The following KDM8 variants were observed in gnomAD, a reference collection of about 807,000 sequenced individuals.
KDM8 encodes bifunctional peptidase and arginyl-hydroxylase JMJD5.
In KDM8, 35 loss-of-function variants were observed where a neutral mutation model predicts 46.9. The ratio of observed to expected loss-of-function variants is 0.75; its 90% CI spans 0.57 to 0.99. The LOEUF (loss-of-function observed/expected upper bound fraction) is 0.99, where lower values mean the gene tolerates loss of function less well. Ranked by LOEUF, KDM8 falls within the 50% of genes least tolerant of loss-of-function variation. The probability of loss-of-function intolerance (pLI) is 0.00; values close to 1 mark genes in which losing one functional copy is unlikely to be tolerated. For missense variants in KDM8, 475 were observed against 537.0 expected (o/e 0.88, Z 1.14); for synonymous variants, 232 against 227.7 (o/e 1.02, Z -0.17).
intron 1 of KDM8, chr16:27,204,254 G>C: frequency 7.1e-7 from 1 of 1,408,178 alleles, no homozygotes; most frequent in Non-Finnish European, 9.3e-7. Context: ...CTTAACGATG[G>C]GCATCGGTGC....
intron 2 of KDM8, chr16:27,211,247 C>A: frequency 2.3e-6 from 1 of 442,438 alleles, no homozygotes; most frequent in Non-Finnish European, 4.5e-6. Flanking sequence ...AGCGGCAGCC[C>A]GTTTCTTTCA....
At chr16:27,204,492 A>G (rs2083408872) in intron 1 of KDM8, 1 of 436,566 alleles carries the variant, frequency 2.3e-6, no homozygotes, top group Non-Finnish European at 3.6e-6. Flanking sequence ...TTTTTGTGGA[A>G]TACTGCCATA....
At chr16:27,213,501 C>A in intron 2 of KDM8, 84 bp from the exon 3 acceptor site, 1 of 1,440,900 alleles carries the variant, frequency 6.9e-7, no homozygotes, top group South Asian at 1.3e-5. Context: ...GCTCTCCTAC[C>A]CCTGACACAG....
At chr16:27,211,576 A>G (rs962731019) in intron 2 of KDM8, 6 of 163,434 alleles carry the variant, frequency 3.7e-5, no homozygotes, top group African/African-American at 1.4e-4. Context: ...ACAGAAAGAA[A>G]TGACTAAGAC....
In KDM8 at chr16:27,221,688, TTA is replaced by T. The variant is rs950944858; in HGVS notation, c.*960_*961del. 5 of 152,298 alleles carry T rather than the reference TTA, an allele frequency of 3.3e-5. No homozygotes were observed. The highest frequency in any genetic ancestry group is 1.2e-4 in the African/African-American group (5 of 41,458). The allele number at this position is 152,298 out of a possible 1,614,324, so 9.4% of individuals were successfully genotyped here. ...TCGTTTGTGTGCACGCAGGTTTGTT[TTA>T]TGTTTTGGCCATTAAGATTTTCCCC... On this transcript the variant is annotated 3_prime_UTR_variant, in exon 8 of 8. Transcript: ENST00000286096.
At chr16:27,215,178 C>G (rs2083536873) in intron 4 of KDM8, among the ~76,000 whole-genome samples, 170 bp downstream of exon 4, 1 of 152,170 alleles carries the variant, frequency 6.6e-6, no homozygotes, top group African/African-American at 2.4e-5. Context: ...AGCCAGCAGA[C>G]ATGAGGGATT....
At chr16:27,216,262 G>A in intron 5 of KDM8, 1 of 535,346 alleles carries the variant, frequency 1.9e-6, no homozygotes. Context: ...CTATTGCTGT[G>A]GTGCAAGGAG....
intron 1 of KDM8, chr16:27,204,330 G>T (rs765997851): frequency 1.5e-6 from 2 of 1,362,568 alleles, no homozygotes; most frequent in Non-Finnish European, 1.9e-6. Context: ...GGGACAGGAG[G>T]TGCGCAGGCG....
rs774179509 is a variant in KDM8 at position 27,215,008 on chromosome 16, G to A, written c.798G>A (p.Glu266=). Residue 266 remains glutamate (E), a splice_region_variant and synonymous_variant, in exon 4 of 8, where the codon GAG becomes GAA. Transcript: ENST00000286096. ...NEFISKYIVN[E]PRDVGYLAQH... is the part of the protein sequence containing the mutation. ...TCATCAGCAAATACATCGTGAATGA[G>A]GTACATCATGGGGACTGCTTTCCCC... is the stretch of plus-strand genomic sequence containing the variant. 11 of 1,614,052 alleles carry A rather than the reference G, an allele frequency of 6.8e-6. No individual in the cohort carries two copies. In the East Asian group the frequency reaches 2.5e-4, roughly 36 times the overall value.
intron 2 of KDM8, chr16:27,211,121 CTT>C (rs370003010): frequency 0.025 from 9,179 of 373,050 alleles, no homozygotes; most frequent in East Asian, 0.032. Context: ...CATTTTCTCT[CTT>C]TTTTTTTTTT....
rs1007000558 is a variant in KDM8 at position 27,216,515 on chromosome 16, G to A, written c.843+526G>A. On this transcript the variant is annotated intron_variant, in intron 5 of 7. Transcript: ENST00000286096. ...ATAGGGCCAGGTGCGTGTCCCGAAC[G>A]TGGAAGACTCGAGTCAGTCAGGGTC... is the stretch of plus-strand genomic sequence containing the variant. 3.3e-5 allele frequency among the ~76,000 whole-genome samples: 5 copies of A among 152,316 alleles called. No homozygotes were observed. In the Middle Eastern group the frequency reaches 0.014, roughly 414 times the overall value.
chr16:27,209,322 C>T (rs1463052684), intron 1 of KDM8, among the ~76,000 whole-genome samples: 1 of 152,210 alleles, frequency 6.6e-6, no homozygotes, highest in African/African-American at 2.4e-5. Flanking sequence ...TGCCCCCAGG[C>T]TTAAGTGATC....
chr16:27,204,896 C>T (rs2083412408), intron 1 of KDM8, among the ~76,000 whole-genome samples: 1 of 152,114 alleles, frequency 6.6e-6, no homozygotes, highest in Non-Finnish European at 1.5e-5. Context: ...TGTGGTGGTG[C>T]ACATCTGTAA....
In KDM8 at chr16:27,211,121, C is replaced by CTT. The variant is rs370003010; in HGVS notation, c.498+517_498+518dup. ...TGGAACAGCTCCATTCATTTTCTCT[C>CTT]TTTTTTTTTTTTTTTTTTGCAAAGG... On this transcript the variant is annotated intron_variant, in intron 2 of 7. Coordinates refer to ENST00000286096, the MANE Select transcript of KDM8 (RefSeq NM_024773.3). The CTT allele has an allele frequency of 6.7e-3, 2,682 of 402,580 alleles. 25 individuals are homozygous for CTT. The highest frequency in any genetic ancestry group is 0.026 in the African/African-American group (1,124 of 43,752). 24.9% of individuals were successfully genotyped at this position (402,580 alleles called of 1,614,324 possible). A position where few individuals can be genotyped will look rare whatever the true frequency, so the allele number is the denominator to read the frequency against.
chr16:27,217,761 G>T (rs1008004892), intron 5 of KDM8, among the ~76,000 whole-genome samples: 5 of 152,174 alleles, frequency 3.3e-5, no homozygotes, highest in Non-Finnish European at 5.9e-5. Flanking sequence ...GTGCCTTCAG[G>T]CTGCGGAGCA....
intron 1 of KDM8, chr16:27,204,430 A>C: frequency 8.8e-7 from 1 of 1,136,382 alleles, no homozygotes; most frequent in Non-Finnish European, 1.1e-6. Context: ...GCTTTCTGGA[A>C]AATGTTCCAA....
At chr16:27,203,867 T>A in intron 1 of KDM8, 1 of 444,210 alleles carries the variant, frequency 2.3e-6, no homozygotes, top group Non-Finnish European at 4.0e-6. Context: ...GTTCCGCGCG[T>A]GCGTATGCTC....
chr16:27,215,185 G>T lies in KDM8; in HGVS notation c.798+177G>T, dbSNP rs1235892529. Among the ~76,000 whole-genome samples the T allele has an allele frequency of 3.9e-5, 6 of 152,302 alleles. No homozygotes were observed. In the East Asian group the frequency reaches 7.7e-4, roughly 20 times the overall value. ...GGCTGCTTAGCCAGCAGACATGAGG[G>T]ATTCATGTCAGGTCCTTTTTAATGG... On this transcript the variant is annotated intron_variant, in intron 4 of 7. Coordinates refer to ENST00000286096, the MANE Select transcript of KDM8 (RefSeq NM_024773.3).
At chr16:27,218,649 C>CT (rs2083580959) in intron 5 of KDM8, among the ~76,000 whole-genome samples, 1 of 152,124 alleles carries the variant, frequency 6.6e-6, no homozygotes, top group South Asian at 2.1e-4. Flanking sequence ...TGAGAGCAGC[C>CT]TATGCAACAT....
Sources: allele counts gnomAD v4.1 joint callset (sites outside exome capture counted in the v4.1 genomes callset), GRCh38; gene constraint gnomAD v4.1.1; transcripts MANE v1.5; gene names NCBI Gene and HGNC (gene_info 2026-07-23, HGNC 2026-07-21).